Variants in EXOC6B observed in about 807,000 individuals in gnomAD.
EXOC6B encodes the protein exocyst complex component 6B, also known as SEC15 homolog B.
Under a neutral mutation model 113.5 loss-of-function variants are expected in EXOC6B, and 54 were observed. The observed-to-expected ratio is 0.48, with a 90% CI of 0.38 to 0.60. The LOEUF (loss-of-function observed/expected upper bound fraction) is 0.60. Ranked by LOEUF, EXOC6B falls within the 20% of genes least tolerant of loss-of-function variation. The pLI, the probability that EXOC6B is intolerant of heterozygous loss-of-function variation, is 0.00. For synonymous variants in EXOC6B, 357 were observed against 339.0 expected (o/e 1.05, Z -0.58); for missense variants, 797 against 977.5 (o/e 0.82, Z 2.46).
At chr2:72,634,475 T>C (rs1290558654) in intron 6 of EXOC6B, among the ~76,000 whole-genome samples, 3 of 152,136 alleles carry the variant, frequency 2.0e-5, no homozygotes, top group African/African-American at 4.8e-5. Flanking sequence ...ACCTTAGGGA[T>C]GGTGTCAGAA....
At chr2:72,318,041 C>T (rs917865066) in intron 20 of EXOC6B, among the ~76,000 whole-genome samples, 3 of 152,258 alleles carry the variant, frequency 2.0e-5, no homozygotes, top group Admixed American at 6.5e-5. Flanking sequence ...TACACCCTCA[C>T]TTTGCTGGCC....
chr2:72,417,588 A>C (rs777575013), intron 18 of EXOC6B, among the ~76,000 whole-genome samples: 25 of 152,178 alleles, frequency 1.6e-4, no homozygotes, highest in Admixed American at 4.6e-4. Flanking sequence ...ATATTTTCCT[A>C]TTCTGTTATT....
chr2:72,520,274 C>T (rs540120640), intron 8 of EXOC6B, among the ~76,000 whole-genome samples: 10 of 152,182 alleles, frequency 6.6e-5, no homozygotes, highest in Non-Finnish European at 1.0e-4. Flanking sequence ...TATTATAAGC[C>T]TCTACTTTCA....
intron 18 of EXOC6B, among the ~76,000 whole-genome samples, chr2:72,441,668 T>C (rs1696209848): frequency 6.6e-6 from 1 of 152,120 alleles, no homozygotes; most frequent in South Asian, 2.1e-4. Context: ...TCTGGACACA[T>C]ACACCCTCAC....
At chr2:72,190,073 C>G (rs531837539) in intron 20 of EXOC6B, among the ~76,000 whole-genome samples, 1 of 151,446 alleles carries the variant, frequency 6.6e-6, no homozygotes, top group Non-Finnish European at 1.5e-5. Flanking sequence ...CTCTGTTGCC[C>G]AGGCTGGAGT....
chr2:72,723,984 A>G (rs1439962375), intron 5 of EXOC6B, among the ~76,000 whole-genome samples: 1 of 152,180 alleles, frequency 6.6e-6, no homozygotes, highest in Non-Finnish European at 1.5e-5. Context: ...GCCAGAAAAA[A>G]TCAAAACAGA....
At chr2:72,267,467 GGTT>G (rs1200132961) in intron 20 of EXOC6B, among the ~76,000 whole-genome samples, 8 of 152,122 alleles carry the variant, frequency 5.3e-5, no homozygotes, top group African/African-American at 1.9e-4. Context: ...TTAGCATGAA[GGTT>G]GTTGAATTTT....
At position 72,421,848 on chromosome 2, in the gene EXOC6B, C is replaced by T. The variant is rs549860764; in HGVS notation, c.1981-41978G>A. On this transcript the variant is annotated intron_variant, in intron 18 of 21. Coordinates refer to ENST00000272427, the MANE Select transcript of EXOC6B (RefSeq NM_015189.3). ...TGGAGGGAGAGGCGCGAGCGGGAAC[C>T]GGGGCTGCGTGCAGCGCTTGCGGGC... Among the ~76,000 whole-genome samples, 6 of 152,324 alleles carry T rather than the reference C, an allele frequency of 3.9e-5. 1 individual carries two copies. The highest frequency in any genetic ancestry group is 3.9e-4 in the East Asian group (2 of 5,168).
intron 6 of EXOC6B, among the ~76,000 whole-genome samples, chr2:72,641,834 G>A (rs1232626456): frequency 1.4e-5 from 2 of 140,358 alleles, no homozygotes; most frequent in Non-Finnish European, 3.3e-5. Flanking sequence ...ACCTCATACA[G>A]GAGGGTACCC....
intron 5 of EXOC6B, among the ~76,000 whole-genome samples, chr2:72,721,620 C>T (rs1680016012): frequency 6.6e-6 from 1 of 151,736 alleles, no homozygotes; most frequent in South Asian, 2.1e-4. Context: ...CTATTTTAAG[C>T]AATTGCATTT....
intron 18 of EXOC6B, among the ~76,000 whole-genome samples, chr2:72,403,554 C>A (rs1693491028): frequency 1.3e-5 from 2 of 151,946 alleles, no homozygotes; most frequent in African/African-American, 4.8e-5. Context: ...AAAAATAACC[C>A]AGGCATGGTG....
At chr2:72,738,349 T>G (rs1248451185) in intron 2 of EXOC6B, among the ~76,000 whole-genome samples, 1 of 152,240 alleles carries the variant, frequency 6.6e-6, no homozygotes, top group African/African-American at 2.4e-5. Flanking sequence ...CTAAGAGTCA[T>G]GGGCTCTATT....
At chr2:72,717,562 A>AT (rs577701131) in intron 6 of EXOC6B, among the ~76,000 whole-genome samples, 237 of 152,314 alleles carry the variant, frequency 1.6e-3, no homozygotes, top group African/African-American at 5.5e-3. Flanking sequence ...AGGAATGAAG[A>AT]TTTTTTTAAC....
At chr2:72,510,580 G>A (rs1700842341) in intron 11 of EXOC6B, among the ~76,000 whole-genome samples, 1 of 151,262 alleles carries the variant, frequency 6.6e-6, no homozygotes, top group African/African-American at 2.4e-5. Context: ...GACATTAAAT[G>A]AAAAACACAG....
intron 6 of EXOC6B, among the ~76,000 whole-genome samples, chr2:72,635,194 G>C (rs1470268798): frequency 1.3e-5 from 2 of 151,784 alleles, no homozygotes; most frequent in African/African-American, 4.8e-5. Flanking sequence ...ATACACAGAA[G>C]GAAGAAAATC....
At chr2:72,616,308 C>T (rs941891251) in intron 6 of EXOC6B, among the ~76,000 whole-genome samples, 1 of 151,888 alleles carries the variant, frequency 6.6e-6, no homozygotes, top group African/African-American at 2.4e-5. Context: ...AAAAAAAGAC[C>T]TTAATAGTCA....
intron 19 of EXOC6B, among the ~76,000 whole-genome samples, chr2:72,376,398 T>C (rs1359111903): frequency 6.6e-6 from 1 of 152,216 alleles, no homozygotes; most frequent in Non-Finnish European, 1.5e-5. Context: ...TACTGCCTTC[T>C]GGTTTGCTCT....
chr2:72,477,389 A>G (rs2105474111), intron 17 of EXOC6B, among the ~76,000 whole-genome samples: 1 of 152,226 alleles, frequency 6.6e-6, no homozygotes, highest in East Asian at 1.9e-4. Flanking sequence ...ACACACACCC[A>G]ATCTAGTACT....
At chr2:72,348,964 A>G (rs1689491427) in intron 19 of EXOC6B, among the ~76,000 whole-genome samples, 1 of 152,142 alleles carries the variant, frequency 6.6e-6, no homozygotes, top group African/African-American at 2.4e-5. Flanking sequence ...TCTCTCATAT[A>G]TATTTCATAT....
Sources: allele counts gnomAD v4.1 joint callset (sites outside exome capture counted in the v4.1 genomes callset), GRCh38; gene constraint gnomAD v4.1.1; transcripts MANE v1.5; gene names NCBI Gene and HGNC (gene_info 2026-07-23, HGNC 2026-07-21).